NTAN1: variants seen among roughly 807,000 people sequenced by gnomAD.
NTAN1 encodes the protein protein N-terminal asparagine amidohydrolase.
A neutral mutation model predicts 41.9 loss-of-function variants in NTAN1; 32 were observed. The observed-to-expected ratio is 0.76, with a 90% confidence interval of 0.58 to 1.03. NTAN1 has a LOEUF of 1.03. Ranked by LOEUF, NTAN1 falls within the 50% of genes least tolerant of loss-of-function variation. The probability of loss-of-function intolerance (pLI) is 0.00; values close to 1 mark genes in which losing one functional copy is unlikely to be tolerated. For missense variants in NTAN1, 377 were observed against 377.5 expected, an observed-to-expected ratio of 1.00 and a Z score of 0.01; for synonymous variants, 140 against 139.5, an observed-to-expected ratio of 1.00 and a Z score of -0.03.
intron 1 of NTAN1, among the ~76,000 whole-genome samples, chr16:15,048,765 A>C (rs572056402): frequency 8.0e-4 from 122 of 152,258 alleles, no homozygotes; most frequent in African/African-American, 2.7e-3. Context: ...CTGGGACTAC[A>C]GGCTTGCACC....
chr16:15,049,818 A>G (rs552859912), intron 1 of NTAN1, among the ~76,000 whole-genome samples: 1 of 152,370 alleles, frequency 6.6e-6, no homozygotes, highest in Admixed American at 6.5e-5. Context: ...CTAACTGCAC[A>G]GTCATGAGAA....
chr16:15,041,556 T>A, intron 6 of NTAN1, 67 bp downstream of exon 6: 6 of 1,121,420 alleles, frequency 5.4e-6, no homozygotes, highest in Non-Finnish European at 8.2e-6. Flanking sequence ...TTGGGCCCAC[T>A]GCAAGACTGG....
intron 4 of NTAN1, among the ~76,000 whole-genome samples, chr16:15,046,254 ACTCT>A (rs1427020440): frequency 6.6e-6 from 1 of 152,130 alleles, no homozygotes; most frequent in Non-Finnish European, 1.5e-5. Flanking sequence ...CTCCCAGAGA[ACTCT>A]CTCTTTCCTT....
chr16:15,051,698 A>AT (rs61437077), intron 1 of NTAN1, among the ~76,000 whole-genome samples: 12,007 of 122,336 alleles, frequency 0.098, 777 homozygotes, highest in East Asian at 0.24. Context: ...TTTATTTTTA[A>AT]TTTTTTTTTT....
At chr16:15,054,270 A>C (rs1306437693) in intron 1 of NTAN1, among the ~76,000 whole-genome samples, 1 of 152,216 alleles carries the variant, frequency 6.6e-6, no homozygotes, top group Non-Finnish European at 1.5e-5. Flanking sequence ...CTGTAACACA[A>C]ACTGGTCCCC....
chr16:15,046,988 T>C (rs2044098475), intron 4 of NTAN1, among the ~76,000 whole-genome samples: 1 of 152,114 alleles, frequency 6.6e-6, no homozygotes, highest in African/African-American at 2.4e-5. Context: ...CACCCCATCT[T>C]GTGTACAGTC....
Position 15,047,515 on chromosome 16 carries a change from T to A in NTAN1, c.286A>T (p.Thr96Ser), listed in dbSNP as rs1485185686. 6.2e-7 allele frequency: 1 copy of A among 1,613,948 alleles called. No individual in the cohort carries two copies. Among genetic ancestry groups the A allele is most frequent in the African/African-American group, 1.3e-5 (1 of 74,924 alleles). Residue 96 changes from threonine (T) to serine (S), a missense_variant, in exon 4 of 10, where the codon ACC becomes TCC. By Grantham distance (58) the Thr-to-Ser change is moderately conservative. Transcript: ENST00000287706. Reference sequence around the variant, plus strand: ...AAGGGGACCTCAGCTTTGGTGTCGGTTCCGTCACAATGTGTCAAGCAGGTG... The same window carrying A: ...AAGGGGACCTCAGCTTTGGTGTCGGATCCGTCACAATGTGTCAAGCAGGTG... ...GATCLTHCDG[T>S]DTKAEVPLIM...
At chr16:15,047,614 A>T in intron 3 of NTAN1, 64 bp from the exon 4 acceptor site, 1 of 1,201,014 alleles carries the variant, frequency 8.3e-7, no homozygotes, top group Non-Finnish European at 1.2e-6. Context: ...GCAGGCCGAG[A>T]CTCCGCCTGT....
At chr16:15,048,589 C>A (rs1315731062) in intron 1 of NTAN1, among the ~76,000 whole-genome samples, 1 of 152,206 alleles carries the variant, frequency 6.6e-6, no homozygotes, top group South Asian at 2.1e-4. Flanking sequence ...TCAGATTACA[C>A]AGGAATAGTG....
chr16:15,048,520 A>T (rs2044171878), intron 1 of NTAN1, among the ~76,000 whole-genome samples: 1 of 150,236 alleles, frequency 6.7e-6, no homozygotes, highest in African/African-American at 2.5e-5. Context: ...ACACCCAGCT[A>T]TCACAGTTCT....
chr16:15,054,304 G>C (rs1230213361), intron 1 of NTAN1, among the ~76,000 whole-genome samples: 2 of 152,208 alleles, frequency 1.3e-5, no homozygotes, highest in Non-Finnish European at 2.9e-5. Flanking sequence ...TCTAGGACAT[G>C]TCTTCTTAAA....
Position 15,038,039 on chromosome 16 carries a change from C to CTGGAGAAGAGATCTTTT in NTAN1, c.908_924dup (p.Gly309LysfsTer57), listed in dbSNP as rs1567749021. 2 of 1,611,088 alleles carry CTGGAGAAGAGATCTTTT rather than the reference C, an allele frequency of 1.2e-6. No homozygotes were observed. The highest frequency in any genetic ancestry group is 2.2e-5 in the East Asian group (1 of 44,872). On this transcript the variant is annotated frameshift_variant, in exon 10 of 10. Coordinates refer to ENST00000287706, the MANE Select transcript of NTAN1 (RefSeq NM_173474.4). LOFTEE classifies it high-confidence loss of function. ...TTGGTAATTCATGTTTTTTAACTTC[C>CTGGAGAAGAGATCTTTT]TGGAGAAGAGATCTTTTCCCACAAG...
intron 1 of NTAN1, among the ~76,000 whole-genome samples, chr16:15,049,953 A>G (rs545753874): frequency 6.6e-6 from 1 of 152,384 alleles, no homozygotes; most frequent in African/African-American, 2.4e-5. Flanking sequence ...TTATACCCAT[A>G]GAGAAAAATA....
chr16:15,052,736 A>T (rs183151195), intron 1 of NTAN1, among the ~76,000 whole-genome samples: 1 of 152,228 alleles, frequency 6.6e-6, no homozygotes. Flanking sequence ...GTGGCAGGAG[A>T]ATCACTTGAA....
chr16:15,046,322 G>T (rs1315063523), intron 4 of NTAN1, among the ~76,000 whole-genome samples: 1 of 152,180 alleles, frequency 6.6e-6, no homozygotes, highest in Non-Finnish European at 1.5e-5. Flanking sequence ...TCACTCAATG[G>T]CTGCCTTAGA....
chr16:15,038,093 C>CTTTA lies in NTAN1; in HGVS notation c.867_870dup (p.Ala291Ter), dbSNP rs765768604. The CTTTA allele has an allele frequency of 4.3e-6, 7 of 1,612,770 alleles. No individual in the cohort carries two copies. Among genetic ancestry groups the CTTTA allele is most frequent in the East Asian group, 2.2e-5 (1 of 44,844 alleles). Reference sequence around the variant, plus strand: ...TCTTCATTTTTTTTGTAGAGTAGGGCTTTATTTCCAGAAAACAGTGTGTGA... The same window carrying CTTTA: ...TCTTCATTTTTTTTGTAGAGTAGGGCTTTATTTATTTCCAGAAAACAGTGTGTGA... On this transcript the variant is annotated stop_gained and frameshift_variant, in exon 10 of 10. Coordinates refer to ENST00000287706, the MANE Select transcript of NTAN1 (RefSeq NM_173474.4). LOFTEE classifies it high-confidence loss of function.
chr16:15,047,579 T>G, intron 3 of NTAN1, 29 bp from the exon 4 acceptor site: 3 of 1,506,080 alleles, frequency 2.0e-6, no homozygotes, highest in Non-Finnish European at 2.8e-6. Context: ...AGGACTCAAG[T>G]TATTCCCTGA....
intron 1 of NTAN1, among the ~76,000 whole-genome samples, chr16:15,048,300 G>A (rs1567767750): frequency 6.6e-6 from 1 of 152,212 alleles, no homozygotes; most frequent in Non-Finnish European, 1.5e-5. Context: ...GCGGTTCTGC[G>A]CGGTGGTTTT....
At chr16:15,039,047 C>T (rs1307159581) in intron 8 of NTAN1, among the ~76,000 whole-genome samples, 1 of 152,164 alleles carries the variant, frequency 6.6e-6, no homozygotes, top group Non-Finnish European at 1.5e-5. Context: ...AGTCTGTGTT[C>T]CCATTGCCTC....
Sources: allele counts gnomAD v4.1 joint callset (sites outside exome capture counted in the v4.1 genomes callset), GRCh38; gene constraint gnomAD v4.1.1; transcripts MANE v1.5; gene names NCBI Gene and HGNC (gene_info 2026-07-23, HGNC 2026-07-21).